Variants in CFAP70 observed in about 807,000 individuals in gnomAD.
CFAP70 encodes cilia- and flagella-associated protein 70.
CFAP70 carries 81 observed loss-of-function variants against 137.6 expected under a neutral mutation model. That is an observed-to-expected ratio of 0.59 (90% confidence interval 0.49 to 0.71). CFAP70 has a LOEUF of 0.71. Ranked by LOEUF, CFAP70 falls within the 30% of genes least tolerant of loss-of-function variation. CFAP70 has a pLI of 0.00. For missense variants in CFAP70, 976 were observed against 1,226.7 expected (o/e 0.80, Z 3.05); for synonymous variants, 382 against 423.6 (o/e 0.90, Z 1.20).
intron 7 of CFAP70, among the ~76,000 whole-genome samples, chr10:73,332,718 G>A (rs562501383): frequency 1.3e-5 from 2 of 152,210 alleles, no homozygotes; most frequent in Non-Finnish European, 2.9e-5. Context: ...GGAGGTGGGG[G>A]AAAAAGGAAA....
chr10:73,351,310 G>C (rs1042708814), intron 3 of CFAP70, among the ~76,000 whole-genome samples: 1 of 151,456 alleles, frequency 6.6e-6, no homozygotes, highest in Non-Finnish European at 1.5e-5. Flanking sequence ...ACTTGAGACG[G>C]GGTTTCACCG....
exon 13 of CFAP70, chr10:73,299,649 G>A (rs2048798193): frequency 6.2e-7 from 1 of 1,612,222 alleles, no homozygotes; most frequent in Non-Finnish European, 8.5e-7. Context: ...GGCCTTGGAG[G>A]AATCATTTCC....
At chr10:73,335,060 CTTTTTT>C (rs547226854) in intron 7 of CFAP70, among the ~76,000 whole-genome samples, 3 of 118,352 alleles carry the variant, frequency 2.5e-5, no homozygotes, top group Admixed American at 1.8e-4. Flanking sequence ...TCTTCTTCTT[CTTTTTT>C]TTTTTTTTTT....
chr10:73,332,949 T>C (rs1001984440), intron 7 of CFAP70, among the ~76,000 whole-genome samples: 3 of 152,142 alleles, frequency 2.0e-5, no homozygotes, highest in Non-Finnish European at 4.4e-5. Context: ...GACTAAGATA[T>C]GACATAGATT....
chr10:73,279,999 T>C (rs928349503), intron 19 of CFAP70, among the ~76,000 whole-genome samples: 1 of 152,218 alleles, frequency 6.6e-6, no homozygotes, highest in Non-Finnish European at 1.5e-5. Context: ...CAGGAATGTT[T>C]GAGAGTTCCA....
intron 19 of CFAP70, among the ~76,000 whole-genome samples, chr10:73,282,142 G>A (rs2047304973): frequency 6.6e-6 from 1 of 152,156 alleles, no homozygotes; most frequent in Non-Finnish European, 1.5e-5. Context: ...GCTGGAGAAC[G>A]AAGCAGCCAT....
intron 25 of CFAP70, among the ~76,000 whole-genome samples, chr10:73,268,000 TG>T (rs969182342): frequency 1.1e-4 from 17 of 152,352 alleles, no homozygotes; most frequent in Admixed American, 1.1e-3. Flanking sequence ...ACATCCTTTC[TG>T]CCCCCACCAC....
Position 73,269,628 on chromosome 10 carries a change from G to GAGCC in CFAP70, c.3009_3012dup (p.Leu1005GlyfsTer14). ...TAAACACTCACTTTCAGGCAGACCAGAGCCAGATATGCCCATACTTCAGCA... is the reference window on the plus strand; with the variant it reads ...TAAACACTCACTTTCAGGCAGACCAGAGCCAGCCAGATATGCCCATACTTCAGCA... On this transcript the variant is annotated frameshift_variant, in exon 25 of 27. Transcript: ENST00000310715. LOFTEE classifies it high-confidence loss of function. The GAGCC allele has an allele frequency of 6.2e-7, 1 of 1,612,912 alleles. No homozygotes were observed. The highest frequency in any genetic ancestry group is 8.5e-7 in the Non-Finnish European group (1 of 1,179,060).
At chr10:73,344,993 G>T in intron 5 of CFAP70, 72 bp downstream of exon 6, 1 of 1,262,946 alleles carries the variant, frequency 7.9e-7, no homozygotes, top group Non-Finnish European at 1.1e-6. Flanking sequence ...AAATCTTAGA[G>T]GTGAGGAAGA....
At chr10:73,341,428 C>T in exon 6 of CFAP70, 1 of 1,613,772 alleles carries the variant, frequency 6.2e-7, no homozygotes, top group Non-Finnish European at 8.5e-7. Flanking sequence ...CCTTCTTCTT[C>T]TTCATAGGGA....
chr10:73,271,835 G>A (rs1342953697), intron 24 of CFAP70, among the ~76,000 whole-genome samples: 1 of 152,076 alleles, frequency 6.6e-6, no homozygotes, highest in Non-Finnish European at 1.5e-5. Flanking sequence ...AAGTATCTGG[G>A]ACTACAGGCA....
intron 15 of CFAP70, 45 bp from the exon 17 acceptor site, chr10:73,293,433 CAAGTAGAGAGGTTTCAT>C: frequency 6.6e-7 from 1 of 1,516,522 alleles, no homozygotes. Context: ...GAAACAATTA[CAAGTAGAGAGGTTTCAT>C]AAGCATAAAT....
chr10:73,289,116 G>GC (rs2047962356), intron 19 of CFAP70, among the ~76,000 whole-genome samples: 1 of 151,846 alleles, frequency 6.6e-6, no homozygotes, highest in African/African-American at 2.4e-5. Context: ...CTTGACTCAG[G>GC]CTCTATTTTA....
chr10:73,351,065 G>GTATA (rs1564889661), intron 3 of CFAP70, among the ~76,000 whole-genome samples: 3 of 55,648 alleles, frequency 5.4e-5, no homozygotes, highest in Non-Finnish European at 5.9e-5. Context: ...GTGTGTGTGT[G>GTATA]TGTGTGTATA....
At chr10:73,329,107 T>C (rs991166822) in intron 8 of CFAP70, among the ~76,000 whole-genome samples, 1 of 152,014 alleles carries the variant, frequency 6.6e-6, no homozygotes, top group South Asian at 2.1e-4. Flanking sequence ...CCAACAATGA[T>C]AGACTGGATT....
intron 25 of CFAP70, among the ~76,000 whole-genome samples, chr10:73,268,878 G>T (rs534977670): frequency 6.6e-6 from 1 of 151,796 alleles, no homozygotes; most frequent in South Asian, 2.1e-4. Context: ...GTAGAGGCAG[G>T]GTTTTGCCAT....
intron 3 of CFAP70, among the ~76,000 whole-genome samples, chr10:73,350,953 GTGTATGTGTGTGTATA>G (rs1227416192): frequency 1.0e-4 from 15 of 150,412 alleles, no homozygotes; most frequent in South Asian, 2.1e-4. Context: ...GTGTGTGTGT[GTGTATGTGTGTGTATA>G]TGTATGTGTG....
exon 20 of CFAP70, chr10:73,278,290 A>G (rs777640595): frequency 6.2e-7 from 1 of 1,614,000 alleles, no homozygotes; most frequent in East Asian, 2.2e-5. Context: ...TGCAGTTTGG[A>G]GGATTCTTCA....
chr10:73,353,401 G>T (rs1367221816), intron 3 of CFAP70, among the ~76,000 whole-genome samples, 155 bp downstream of exon 3: 1 of 152,192 alleles, frequency 6.6e-6, no homozygotes, highest in Non-Finnish European at 1.5e-5. Context: ...TCACGTTTCA[G>T]TTCCTGCCTT....
Sources: allele counts gnomAD v4.1 joint callset (sites outside exome capture counted in the v4.1 genomes callset), GRCh38; gene constraint gnomAD v4.1.1; transcripts MANE v1.5; gene names NCBI Gene and HGNC (gene_info 2026-07-23, HGNC 2026-07-21).